VEPH1: variants seen among roughly 807,000 people sequenced by gnomAD.
The protein encoded by VEPH1 is ventricular zone expressed PH domain containing 1.
In VEPH1, 80 loss-of-function variants were observed where a neutral mutation model predicts 85.2. That is an observed-to-expected ratio of 0.94 (90% CI 0.78 to 1.13). VEPH1 has a LOEUF of 1.13. Ranked by LOEUF, VEPH1 falls within the 50% of genes most tolerant of loss-of-function variation. VEPH1 has a pLI of 0.00. For missense variants in VEPH1, 955 were observed against 980.5 expected, an observed-to-expected ratio of 0.97 and a Z score of 0.35; for synonymous variants, 297 against 348.0, an observed-to-expected ratio of 0.85 and a Z score of 1.63.
At chr3:157,399,093 A>C (rs1560032368) in intron 6 of VEPH1, among the ~76,000 whole-genome samples, 1 of 152,250 alleles carries the variant, frequency 6.6e-6, no homozygotes, top group Non-Finnish European at 1.5e-5. Context: ...AGTATCAAAA[A>C]TCTTAAACAT....
intron 5 of VEPH1, among the ~76,000 whole-genome samples, chr3:157,419,547 T>C (rs1732175714): frequency 6.6e-6 from 1 of 152,158 alleles, no homozygotes; most frequent in Non-Finnish European, 1.5e-5. Context: ...AAGACATTCA[T>C]GTGGCCAGCA....
rs1009231756 is a variant in VEPH1 at position 157,399,007 on chromosome 3, A to G, written c.906+14874T>C. ...TGACCATCATAGATTGTGAGACTTCAGTGAGTTAAAAAAAAGTGAGTTAAA... is the reference window on the plus strand; with the variant it reads ...TGACCATCATAGATTGTGAGACTTCGGTGAGTTAAAAAAAAGTGAGTTAAA... On this transcript the variant is annotated intron_variant, in intron 6 of 13. Coordinates refer to ENST00000362010, the MANE Select transcript of VEPH1 (RefSeq NM_001167912.2). Among the ~76,000 whole-genome samples, 8 of 152,218 alleles carry G rather than the reference A, an allele frequency of 5.3e-5. No individual in the cohort carries two copies. The East Asian group carries it at 1.5e-3, about 29-fold the overall frequency.
intron 7 of VEPH1, among the ~76,000 whole-genome samples, chr3:157,380,263 G>C (rs939086608): frequency 7.2e-5 from 11 of 152,168 alleles, no homozygotes; most frequent in Middle Eastern, 3.4e-3. Context: ...TGGCTCATCT[G>C]CCTCTTCCTG....
Position 157,343,404 on chromosome 3 carries a change from C to T in VEPH1, c.1735+19960G>A, listed in dbSNP as rs1325835890. Among the ~76,000 whole-genome samples the T allele has an allele frequency of 3.5e-4, 54 of 152,176 alleles. 1 individual carries two copies. The highest frequency in any genetic ancestry group is 2.8e-3 in the Admixed American group (43 of 15,278). On this transcript the variant is annotated intron_variant, in intron 9 of 13. Transcript: ENST00000362010. Reference sequence around the variant, plus strand: ...TCAGAGAATACTATAAACACCTCTACGCAAATAAACTAGAAAATATAGAAG... The same window carrying T: ...TCAGAGAATACTATAAACACCTCTATGCAAATAAACTAGAAAATATAGAAG...
rs147679129 is a variant in VEPH1 at position 157,301,168 on chromosome 3, C to T, written c.2010+12453G>A. Among the ~76,000 whole-genome samples the T allele has an allele frequency of 2.5e-3, 376 of 152,222 alleles. 6 individuals are homozygous for T. In the South Asian group the frequency reaches 0.032, roughly 13 times the overall value. On this transcript the variant is annotated intron_variant, in intron 11 of 13. Transcript: ENST00000362010. ...CCACGGAGCATGCTGTAAACATAGC[C>T]GTGGTCAGTTAACTTCATCTTGCCC...
intron 9 of VEPH1, among the ~76,000 whole-genome samples, chr3:157,337,816 T>C (rs992856881): frequency 6.6e-6 from 1 of 152,222 alleles, no homozygotes; most frequent in Non-Finnish European, 1.5e-5. Flanking sequence ...GTTTATTTTA[T>C]ACATAAAAAG....
At chr3:157,408,077 G>GT (rs1731271979) in intron 6 of VEPH1, among the ~76,000 whole-genome samples, 3 of 152,094 alleles carry the variant, frequency 2.0e-5, no homozygotes, top group Non-Finnish European at 4.4e-5. Flanking sequence ...GAGTTCCTTG[G>GT]TGGTGATCAC....
At chr3:157,341,223 C>A (rs1259485495) in intron 9 of VEPH1, among the ~76,000 whole-genome samples, 1 of 152,168 alleles carries the variant, frequency 6.6e-6, no homozygotes, top group Non-Finnish European at 1.5e-5. Flanking sequence ...GATCAAACTT[C>A]TCCGAGCTAA....
chr3:157,396,743 T>C (rs564561635), intron 6 of VEPH1, among the ~76,000 whole-genome samples: 1 of 152,354 alleles, frequency 6.6e-6, no homozygotes, highest in African/African-American at 2.4e-5. Context: ...ATGTCTTCTT[T>C]TGAGAAGTGG....
chr3:157,267,102 CTTTT>C (rs10537483), intron 12 of VEPH1, among the ~76,000 whole-genome samples: 3 of 124,676 alleles, frequency 2.4e-5, no homozygotes, highest in African/African-American at 6.1e-5. Flanking sequence ...TCTTTTTTTT[CTTTT>C]TTTTTTTTTT....
chr3:157,380,993 T>C, intron 7 of VEPH1, 163 bp downstream of exon 7: 2 of 688,510 alleles, frequency 2.9e-6, no homozygotes, highest in Non-Finnish European at 4.9e-6. Flanking sequence ...TTTTCACACA[T>C]TTAGAAGAAA....
At chr3:157,310,167 T>G (rs1719954429) in intron 11 of VEPH1, among the ~76,000 whole-genome samples, 1 of 152,216 alleles carries the variant, frequency 6.6e-6, no homozygotes, top group Admixed American at 6.5e-5. Context: ...GTTGGTCTGA[T>G]CAAAGTAGAA....
At chr3:157,313,894 G>A in intron 10 of VEPH1, 139 bp from the exon 11 acceptor site, 3 of 1,123,826 alleles carry the variant, frequency 2.7e-6, no homozygotes, top group Non-Finnish European at 1.2e-6. Context: ...AAAAAGATCT[G>A]TCTTAAAGAT....
intron 9 of VEPH1, among the ~76,000 whole-genome samples, chr3:157,347,567 G>A (rs1239825184): frequency 6.6e-6 from 1 of 152,218 alleles, no homozygotes; most frequent in Non-Finnish European, 1.5e-5. Flanking sequence ...TGACTGGAGT[G>A]TGGAAGGGAG....
intron 3 of VEPH1, among the ~76,000 whole-genome samples, chr3:157,467,110 A>AGTGT (rs1356618639): frequency 4.4e-5 from 5 of 114,024 alleles, no homozygotes; most frequent in Admixed American, 9.0e-5. Context: ...CAAAAAGAAA[A>AGTGT]GTGTGTGTGT....
At chr3:157,464,563 T>G (rs1210658422) in intron 3 of VEPH1, among the ~76,000 whole-genome samples, 2 of 152,194 alleles carry the variant, frequency 1.3e-5, no homozygotes, top group African/African-American at 4.8e-5. Context: ...AAGTGCAGCA[T>G]AGAAATAGAC....
intron 3 of VEPH1, among the ~76,000 whole-genome samples, chr3:157,469,928 C>T (rs985582820): frequency 1.3e-5 from 2 of 152,174 alleles, no homozygotes; most frequent in Admixed American, 6.5e-5. Flanking sequence ...AGGTCCCGAG[C>T]GCACTGCCCC....
At chr3:157,288,618 A>C (rs1044106721) in intron 11 of VEPH1, among the ~76,000 whole-genome samples, 2 of 152,364 alleles carry the variant, frequency 1.3e-5, no homozygotes, top group East Asian at 3.9e-4. Flanking sequence ...ATAGTACAAA[A>C]AGTTAAAGGG....
Position 157,451,212 on chromosome 3 carries a change from GT to G in VEPH1, c.529+8968del, listed in dbSNP as rs957208448. On this transcript the variant is annotated intron_variant, in intron 4 of 13. Transcript: ENST00000362010. ...TTTTCCTGTAAAACTAAATTGGTAT[GT>G]TTTTTAATTTTTTTGTGTGTGAGTT... Among the ~76,000 whole-genome samples the G allele has an allele frequency of 4.6e-5, 7 of 152,112 alleles. 1 individual carries two copies. Among genetic ancestry groups the G allele is most frequent in the African/African-American group, 1.7e-4 (7 of 41,428 alleles).
Sources: allele counts gnomAD v4.1 joint callset (sites outside exome capture counted in the v4.1 genomes callset), GRCh38; gene constraint gnomAD v4.1.1; transcripts MANE v1.5; gene names NCBI Gene and HGNC (gene_info 2026-07-23, HGNC 2026-07-21).